The following SPATA20 variants were observed in gnomAD, a reference collection of about 807,000 sequenced individuals.
SPATA20 encodes spermatogenesis associated 20, also known as spermatogenesis-associated protein 20.
SPATA20 carries 74 observed loss-of-function variants against 98.9 expected under a neutral mutation model. The observed-to-expected ratio is 0.75, with a 90% CI of 0.62 to 0.91. The LOEUF is 0.91. SPATA20 is among the 40% of genes least tolerant of loss of function. The pLI is 0.00. For synonymous variants in SPATA20, 430 were observed against 440.5 expected (o/e 0.98, Z 0.30); for missense variants, 1,016 against 1,069.8 (o/e 0.95, Z 0.70).
chr17:50,549,267 G>A lies in SPATA20; in HGVS notation c.661-19G>A, dbSNP rs915112885. On this transcript the variant is annotated intron_variant, in intron 6 of 16. Transcript: ENST00000006658. ...CCCTCCCCCTAGCTGACCTCCAGGTGTGCCCCCACCTCCCGCAGTGGAAAC... is the reference window on the plus strand; with the variant it reads ...CCCTCCCCCTAGCTGACCTCCAGGTATGCCCCCACCTCCCGCAGTGGAAAC... The A allele has an allele frequency of 1.3e-5, 21 of 1,606,010 alleles. No individual in the cohort carries two copies. The highest frequency in any genetic ancestry group is 1.8e-5 in the Non-Finnish European group (21 of 1,174,570).
At position 50,549,434 on chromosome 17, in the gene SPATA20, G is replaced by A. The variant is rs780571746; in HGVS notation, c.809G>A (p.Gly270Asp). ...CGCTGCTTCCAGCAGCTGGATGAGG[G>A]CTATGATGAGGAATACGGTGGCTTC... Reference protein sequence around the residue: ...NNRCFQQLDEGYDEEYGGFAE... With the variant: ...NNRCFQQLDEDYDEEYGGFAE... Residue 270 changes from glycine (G) to aspartate (D), a missense_variant, in exon 7 of 17, where the codon GGC becomes GAC. By Grantham distance (94) the Gly-to-Asp change is moderately conservative. Transcript: ENST00000006658. 8 of 1,612,666 alleles carry A rather than the reference G, an allele frequency of 5.0e-6. No homozygotes were observed. In the Admixed American group the frequency reaches 1.3e-4, roughly 27 times the overall value.
intron 14 of SPATA20, 36 bp from the exon 15 acceptor site, chr17:50,554,215 C>G (rs745801086): frequency 1.9e-6 from 3 of 1,601,394 alleles, no homozygotes; most frequent in Non-Finnish European, 8.5e-7. Flanking sequence ...AGTGACCTGC[C>G]CTTACCCCCA....
rs2034952220 is a variant in SPATA20 at position 50,548,468 on chromosome 17, T to G, written c.296+15T>G. 1 of 1,613,572 alleles carries G rather than the reference T, an allele frequency of 6.2e-7. No homozygotes were observed. Among genetic ancestry groups the G allele is most frequent in the Non-Finnish European group, 8.5e-7 (1 of 1,179,808 alleles). On this transcript the variant is annotated intron_variant, in intron 3 of 16. Transcript: ENST00000006658. Reference sequence around the variant, plus strand: ...CCTGTGGACTGGTGAGCACCTCTCCTGGGGCCCTGCCTGGAATCGCTGGGG... The same window carrying G: ...CCTGTGGACTGGTGAGCACCTCTCCGGGGGCCCTGCCTGGAATCGCTGGGG...
At position 50,549,453 on chromosome 17, in the gene SPATA20, T is replaced by C. The variant is rs774244031; in HGVS notation, c.828T>C (p.Gly276=). The C allele has an allele frequency of 6.2e-7, 1 of 1,612,400 alleles. No individual in the cohort carries two copies. Among genetic ancestry groups the C allele is most frequent in the Non-Finnish European group, 8.5e-7 (1 of 1,179,932 alleles). Residue 276 remains glycine (G), a synonymous_variant, in exon 7 of 17, where the codon GGT becomes GGC. Coordinates refer to ENST00000006658, the MANE Select transcript of SPATA20 (RefSeq NM_022827.4). ...QLDEGYDEEY[G]GFAEAPKFPT... is the part of the protein sequence containing the mutation. The stretch of plus-strand genomic sequence containing the variant: ...ATGAGGGCTATGATGAGGAATACGG[T>C]GGCTTCGCTGAGGCCCCCAAGTTTC...
At position 50,550,912 on chromosome 17, in the gene SPATA20, A is replaced by AGTCAGGTGAGGACTTCTGGG; in HGVS notation, c.1383_1383+19dup. 6.2e-7 allele frequency: 1 copy of AGTCAGGTGAGGACTTCTGGG among 1,612,932 alleles called. No individual in the cohort carries two copies. Among genetic ancestry groups the AGTCAGGTGAGGACTTCTGGG allele is most frequent in the Admixed American group, 1.7e-5 (1 of 60,030 alleles). ...CACAGAGGCTGGTAACATCAGCCCCAGTCAGGTGAGGACTTCTGGGGTCAC... is the reference window on the plus strand; with the variant it reads ...CACAGAGGCTGGTAACATCAGCCCCAGTCAGGTGAGGACTTCTGGGGTCAGGTGAGGACTTCTGGGGTCAC... On this transcript the variant is annotated frameshift_variant, in exon 11 of 17. Transcript: ENST00000006658. LOFTEE classifies it high-confidence loss of function.
Position 50,550,789 on chromosome 17 carries a change from T to C in SPATA20, c.1255T>C (p.Trp419Arg). The C allele has an allele frequency of 4.3e-6, 7 of 1,613,118 alleles. No individual in the cohort carries two copies. Among genetic ancestry groups the C allele is most frequent in the Non-Finnish European group, 5.9e-6 (7 of 1,180,044 alleles). The change falls in exon 11 of 17, where the codon TGG (tryptophan) becomes CGG (arginine). Residue 419 changes from tryptophan (W) to arginine (R), a missense_variant. Coordinates refer to ENST00000006658, the MANE Select transcript of SPATA20 (RefSeq NM_022827.4). ...GCCCAAAGAGGGCGCCTACTATGTG[T>C]GGACGGTCAAAGAGGTTCAGCAGCT... is the stretch of plus-strand genomic sequence containing the variant. ...QRPKEGAYYV[W>R]TVKEVQQLLP...
chr17:50,555,533 C>G lies in SPATA20; in HGVS notation c.2280C>G (p.Ser760=), dbSNP rs746985182. 1 of 1,614,054 alleles carries G rather than the reference C, an allele frequency of 6.2e-7. No homozygotes were observed. Among genetic ancestry groups the G allele is most frequent in the South Asian group, 1.1e-5 (1 of 91,078 alleles). The stretch of plus-strand genomic sequence containing the variant: ...ATGGGGACCCCTCGAGCTTCCTGTC[C>G]CGCCAGCTGCCTTTCCTGAGTACCC... ...LADGDPSSFL[S]RQLPFLSTLR... Residue 760 remains serine (S), a synonymous_variant, in exon 17 of 17, where the codon TCC becomes TCG. Coordinates refer to ENST00000006658, the MANE Select transcript of SPATA20 (RefSeq NM_022827.4).
chr17:50,552,209 G>T (rs750937075), intron 14 of SPATA20, 29 bp downstream of exon 14: 1 of 1,599,224 alleles, frequency 6.3e-7, no homozygotes. Context: ...CTAGTCTGGG[G>T]TCCTGGGAGG....
chr17:50,553,123 G>A (rs1432980186), intron 14 of SPATA20, among the ~76,000 whole-genome samples: 1 of 152,214 alleles, frequency 6.6e-6, no homozygotes, highest in Non-Finnish European at 1.5e-5. Flanking sequence ...CGCTCTATGT[G>A]TGCCTGCTCC....
intron 14 of SPATA20, among the ~76,000 whole-genome samples, chr17:50,553,291 G>A (rs997765002): frequency 6.6e-6 from 1 of 152,222 alleles, no homozygotes. Context: ...CTGAGTGAAT[G>A]AAAGGGCCTT....
At chr17:50,550,658 G>A in intron 10 of SPATA20, 48 bp downstream of exon 10, 1 of 1,611,826 alleles carries the variant, frequency 6.2e-7, no homozygotes, top group Non-Finnish European at 8.5e-7. Context: ...AGGGGTTGGG[G>A]CCTCCACTGC....
intron 13 of SPATA20, 139 bp from the exon 14 acceptor site, chr17:50,551,830 T>C: frequency 2.5e-6 from 3 of 1,198,010 alleles, no homozygotes; most frequent in Non-Finnish European, 3.5e-6. Context: ...TTTACTCATC[T>C]GGGAAGTGGG....
chr17:50,547,677 T>C lies in SPATA20; in HGVS notation c.78-43T>C, dbSNP rs1177817919. ...TTTCGTTATTTAGGTCTGCCTGCAGTCCCACTTCCAGGCTGAACTCCCTGA... is the reference window on the plus strand; with the variant it reads ...TTTCGTTATTTAGGTCTGCCTGCAGCCCCACTTCCAGGCTGAACTCCCTGA... On this transcript the variant is annotated intron_variant, in intron 1 of 16. Coordinates refer to ENST00000006658, the MANE Select transcript of SPATA20 (RefSeq NM_022827.4). 9.0e-6 allele frequency: 7 copies of C among 780,876 alleles called. 1 individual carries two copies. Among genetic ancestry groups the C allele is most frequent in the Middle Eastern group, 4.5e-4 (2 of 4,442 alleles). 48.4% of individuals were successfully genotyped at this position (780,876 alleles called of 1,614,324 possible).
At chr17:50,551,853 G>GC in intron 13 of SPATA20, 116 bp from the exon 14 acceptor site, 1 of 1,217,222 alleles carries the variant, frequency 8.2e-7, no homozygotes, top group Middle Eastern at 2.9e-4. Flanking sequence ...GATGGCACCT[G>GC]CCCAAGAGGG....
chr17:50,554,527 G>A (rs2035067628), intron 15 of SPATA20, 77 bp downstream of exon 15: 2 of 1,476,820 alleles, frequency 1.4e-6, no homozygotes, highest in African/African-American at 1.4e-5. Flanking sequence ...GGGAACAGGG[G>A]GTGGGGTTCC....
In SPATA20 at chr17:50,548,440, A is replaced by G. The variant is rs145670888; in HGVS notation, c.283A>G (p.Asn95Asp). The G allele has an allele frequency of 4.8e-3, 7,715 of 1,613,832 alleles. 34 individuals are homozygous for G. Among genetic ancestry groups the G allele is most frequent in the Middle Eastern group, 0.019 (114 of 6,062 alleles). The change falls in exon 3 of 17, where the codon AAT becomes GAT. Residue 95 changes from asparagine (N) to aspartate (D), a missense_variant. Physicochemically the swap from Asn to Asp is conservative, Grantham distance 23. Transcript: ENST00000006658. ...ACCATACCTCCTACAACATGCCTAC[A>G]ATCCTGTGGACTGGTGAGCACCTCT... ...KSPYLLQHAY[N>D]PVDWYPWGQE...
intron 1 of SPATA20, 126 bp downstream of exon 1, chr17:50,547,411 A>C (rs1183260653): frequency 5.0e-6 from 4 of 807,800 alleles, no homozygotes; most frequent in Admixed American, 5.8e-5. Flanking sequence ...CCCTTCCCCC[A>C]CCCCACCTCC....
In SPATA20 at chr17:50,554,247, G is replaced by A. The variant is rs373778970; in HGVS notation, c.1958-4G>A. The stretch of plus-strand genomic sequence containing the variant: ...CCCACCCCCTGCCTCCCTATGTGCT[G>A]TAGACCAGGATGGAGCAGAGCCCAG... On this transcript the variant is annotated splice_region_variant and splice_polypyrimidine_tract_variant and intron_variant, in intron 14 of 16. Transcript: ENST00000006658. 1.6e-5 allele frequency: 26 copies of A among 1,613,776 alleles called. No individual in the cohort carries two copies. The highest frequency in any genetic ancestry group is 4.5e-5 in the East Asian group (2 of 44,898).
At chr17:50,547,675 A>T in intron 1 of SPATA20, 45 bp from the exon 2 acceptor site, 1 of 780,852 alleles carries the variant, frequency 1.3e-6, no homozygotes, top group South Asian at 1.3e-5. Flanking sequence ...GTCTGCCTGC[A>T]GTCCCACTTC....
Sources: gnomAD v4.1 joint callset for allele counts (sites outside exome capture counted in the v4.1 genomes callset) on GRCh38, gnomAD v4.1.1 for gene constraint, MANE v1.5 for transcripts, NCBI Gene and HGNC (gene_info 2026-07-23, HGNC 2026-07-21) for gene names.